RASGRF2: variants seen among roughly 807,000 people sequenced by gnomAD.
The protein encoded by RASGRF2 is Ras protein specific guanine nucleotide releasing factor 2, also known as ras-specific guanine nucleotide-releasing factor 2.
In RASGRF2, 76 loss-of-function variants were observed where a neutral mutation model predicts 151.0. The observed-to-expected ratio is 0.50, with a 90% CI of 0.42 to 0.61. The LOEUF is 0.61. RASGRF2 is among the 20% of genes least tolerant of loss of function. The probability of loss-of-function intolerance (pLI) is 0.00; values close to 1 mark genes in which losing one functional copy is unlikely to be tolerated. For missense variants in RASGRF2, 1,148 were observed against 1,564.6 expected (o/e 0.73, Z 4.49); for synonymous variants, 504 against 566.5 (o/e 0.89, Z 1.57).
intron 1 of RASGRF2, among the ~76,000 whole-genome samples, chr5:81,010,824 A>G (rs1205372301): frequency 6.6e-6 from 1 of 152,238 alleles, no homozygotes; most frequent in Non-Finnish European, 1.5e-5. Flanking sequence ...GGTTTTTAAT[A>G]GCCAGACATG....
Position 81,194,421 on chromosome 5 carries a change from GTTTGT to G in RASGRF2, c.2794-6905_2794-6901del, listed in dbSNP as rs557467185. ...TTACTTACAATTACTTTAGGATTTT[GTTTGT>G]TTTTTGTTTTTTGTTCTTTTTTTTT... On this transcript the variant is annotated intron_variant, in intron 18 of 26. Transcript: ENST00000265080. 5.3e-5 allele frequency among the ~76,000 whole-genome samples: 8 copies of G among 150,958 alleles called. No individual in the cohort carries two copies. In the East Asian group the frequency reaches 1.6e-3, roughly 29 times the overall value.
chr5:81,132,229 GTAAATGATCCATAAATGCTTACCGAAT>G (rs1485814169), intron 17 of RASGRF2, among the ~76,000 whole-genome samples: 7 of 152,060 alleles, frequency 4.6e-5, no homozygotes, highest in Non-Finnish European at 8.8e-5. Context: ...TGTATATGTA[GTAAATGATCCATAAATGCTTACCGAAT>G]TAATGAATCA....
intron 9 of RASGRF2, among the ~76,000 whole-genome samples, chr5:81,091,317 G>C (rs1452319851): frequency 2.0e-5 from 3 of 152,058 alleles, no homozygotes; most frequent in Non-Finnish European, 2.9e-5. Flanking sequence ...ATTCCTTGCT[G>C]CCTGGGCTGC....
chr5:81,145,763 TCC>T (rs1753991082), intron 17 of RASGRF2, among the ~76,000 whole-genome samples: 1 of 152,190 alleles, frequency 6.6e-6, no homozygotes, highest in African/African-American at 2.4e-5. Flanking sequence ...ACACCTGGAC[TCC>T]AGCCGCATGG....
At chr5:80,961,791 C>A (rs962773773) in intron 1 of RASGRF2, among the ~76,000 whole-genome samples, 2 of 152,066 alleles carry the variant, frequency 1.3e-5, no homozygotes, top group Non-Finnish European at 2.9e-5. Context: ...CTCATGGTCG[C>A]GGGGTGGGGG....
At chr5:81,141,202 G>A (rs1753876538) in intron 17 of RASGRF2, among the ~76,000 whole-genome samples, 1 of 152,134 alleles carries the variant, frequency 6.6e-6, no homozygotes, top group Admixed American at 6.6e-5. Context: ...AAGATTTCCA[G>A]AGACACTCCT....
intron 1 of RASGRF2, among the ~76,000 whole-genome samples, chr5:81,041,025 C>T (rs1750661279): frequency 6.6e-6 from 1 of 152,078 alleles, no homozygotes; most frequent in Non-Finnish European, 1.5e-5. Context: ...TGAGATTGGC[C>T]AGGCACAGAG....
intron 13 of RASGRF2, 64 bp downstream of exon 13, chr5:81,109,142 C>T: frequency 6.4e-7 from 1 of 1,558,094 alleles, no homozygotes; most frequent in South Asian, 1.2e-5. Flanking sequence ...CATGTAAAAC[C>T]TTGAATAAAA....
At position 81,228,681 on chromosome 5, in the gene RASGRF2, C is replaced by G. The variant is rs957100280; in HGVS notation, c.*2911C>G. 1.3e-5 allele frequency: 2 copies of G among 152,166 alleles called. No homozygotes were observed. The highest frequency in any genetic ancestry group is 4.8e-5 in the African/African-American group (2 of 41,428). 9.4% of individuals were successfully genotyped at this position (152,166 alleles called of 1,614,324 possible). ...TTATCTTGGAGCTTTTAGGGGATGC[C>G]TTTTCGTTATTAACTGAGACATCTA... is the stretch of plus-strand genomic sequence containing the variant. On this transcript the variant is annotated 3_prime_UTR_variant, in exon 27 of 27. Coordinates refer to ENST00000265080, the MANE Select transcript of RASGRF2 (RefSeq NM_006909.3).
intron 17 of RASGRF2, among the ~76,000 whole-genome samples, chr5:81,130,589 T>G (rs1753589966): frequency 6.6e-6 from 1 of 152,054 alleles, no homozygotes; most frequent in Admixed American, 6.5e-5. Flanking sequence ...ATTTATTGGC[T>G]AGCCAGGGAG....
chr5:80,999,598 A>G (rs1176776476), intron 1 of RASGRF2, among the ~76,000 whole-genome samples: 5 of 152,016 alleles, frequency 3.3e-5, no homozygotes, highest in African/African-American at 4.8e-5. Flanking sequence ...GGCTCGAGCA[A>G]TCCTCCTGCC....
rs139856042 is a variant in RASGRF2 at position 81,077,437 on chromosome 5, A to G, written c.888-2684A>G. Among the ~76,000 whole-genome samples, 13 of 152,350 alleles carry G rather than the reference A, an allele frequency of 8.5e-5. No homozygotes were observed. The East Asian group carries it at 2.3e-3, about 27-fold the overall frequency. On this transcript the variant is annotated intron_variant, in intron 5 of 26. Transcript: ENST00000265080. ...GAGAAAAGAGCAACTGTGAGCTGAG[A>G]GCTCAGATCTCAAGGCATCAGGAAG...
chr5:81,100,324 A>T (rs1431299908), intron 12 of RASGRF2, among the ~76,000 whole-genome samples: 1 of 152,168 alleles, frequency 6.6e-6, no homozygotes, highest in African/African-American at 2.4e-5. Flanking sequence ...GTGGTTCCTG[A>T]GTATTGCTAC....
intron 17 of RASGRF2, among the ~76,000 whole-genome samples, chr5:81,171,565 G>A (rs1236719862): frequency 6.6e-6 from 1 of 151,998 alleles, no homozygotes; most frequent in Non-Finnish European, 1.5e-5. Context: ...GTGTGTGTGT[G>A]TGTGTGTATG....
chr5:81,207,624 A>C (rs1755539826), intron 21 of RASGRF2, among the ~76,000 whole-genome samples: 1 of 152,162 alleles, frequency 6.6e-6, no homozygotes, highest in Non-Finnish European at 1.5e-5. Flanking sequence ...GACTATACAA[A>C]ATAATTCCTG....
chr5:81,112,259 AT>A (rs1281052935), intron 13 of RASGRF2, among the ~76,000 whole-genome samples: 2 of 152,256 alleles, frequency 1.3e-5, no homozygotes. Flanking sequence ...ACAATAAAAA[AT>A]AATACAAATT....
At chr5:81,032,008 A>T (rs1412914147) in intron 1 of RASGRF2, among the ~76,000 whole-genome samples, 1 of 152,206 alleles carries the variant, frequency 6.6e-6, no homozygotes, top group African/African-American at 2.4e-5. Flanking sequence ...ACCACCAGAG[A>T]ATACTATAAA....
intron 22 of RASGRF2, among the ~76,000 whole-genome samples, 169 bp from the exon 23 acceptor site, chr5:81,212,197 C>G (rs957602355): frequency 3.3e-5 from 5 of 152,184 alleles, no homozygotes; most frequent in Non-Finnish European, 7.3e-5. Context: ...TTAGTTTATT[C>G]TTATAGACTT....
intron 1 of RASGRF2, among the ~76,000 whole-genome samples, chr5:81,022,911 A>C (rs1749881960): frequency 1.3e-5 from 2 of 152,212 alleles, no homozygotes; most frequent in African/African-American, 4.8e-5. Flanking sequence ...AGGGCTAATA[A>C]ATTCCAGAAA....
Sources: allele counts gnomAD v4.1 joint callset (sites outside exome capture counted in the v4.1 genomes callset), GRCh38; gene constraint gnomAD v4.1.1; transcripts MANE v1.5; gene names NCBI Gene and HGNC (gene_info 2026-07-23, HGNC 2026-07-21).